The following DCLK1 variants were observed in gnomAD, a reference collection of about 807,000 sequenced individuals.
The protein encoded by DCLK1 is doublecortin like kinase 1, also known as serine/threonine-protein kinase DCLK1.
Under a neutral mutation model 86.2 loss-of-function variants are expected in DCLK1, and 16 were observed. The observed-to-expected ratio is 0.19, with a 90% confidence interval of 0.13 to 0.28. The LOEUF is 0.28. DCLK1 is among the 10% of genes least tolerant of loss of function. DCLK1 has a pLI of 1.00. For missense variants in DCLK1, 590 were observed against 940.2 expected (o/e 0.63, Z 4.87); for synonymous variants, 369 against 370.5 (o/e 1.00, Z 0.05).
chr13:35,950,273 T>C (rs1392603341), intron 3 of DCLK1, among the ~76,000 whole-genome samples: 1 of 152,242 alleles, frequency 6.6e-6, no homozygotes, highest in Non-Finnish European at 1.5e-5. Context: ...TTCAATGCAC[T>C]TCAATTATCC....
chr13:35,863,877 ACT>A (rs1411509430), intron 5 of DCLK1, among the ~76,000 whole-genome samples: 1 of 152,246 alleles, frequency 6.6e-6, no homozygotes, highest in Non-Finnish European at 1.5e-5. Context: ...TTTTTATAGA[ACT>A]GTAAAAAAGT....
chr13:36,124,016 G>A (rs957264972), intron 2 of DCLK1, among the ~76,000 whole-genome samples: 5 of 152,116 alleles, frequency 3.3e-5, no homozygotes, highest in Non-Finnish European at 7.4e-5. Flanking sequence ...GAAACTGATT[G>A]AAGTACCCCA....
At chr13:35,867,624 G>A (rs1593679234) in intron 5 of DCLK1, among the ~76,000 whole-genome samples, 1 of 152,116 alleles carries the variant, frequency 6.6e-6, no homozygotes, top group East Asian at 1.9e-4. Flanking sequence ...TGACATACAA[G>A]TACATTTAAT....
chr13:35,833,106 A>G (rs1408199571), intron 8 of DCLK1, among the ~76,000 whole-genome samples: 1 of 152,166 alleles, frequency 6.6e-6, no homozygotes, highest in East Asian at 1.9e-4. Context: ...AGCTTGGGGC[A>G]CACATCCTCA....
chr13:36,038,148 T>C (rs1165172582), intron 3 of DCLK1, among the ~76,000 whole-genome samples: 1 of 152,174 alleles, frequency 6.6e-6, no homozygotes, highest in Admixed American at 6.5e-5. Context: ...GCTTTCTCAT[T>C]TTATGAACAA....
intron 4 of DCLK1, among the ~76,000 whole-genome samples, chr13:35,922,339 T>A (rs984664875): frequency 2.0e-5 from 3 of 152,204 alleles, no homozygotes; most frequent in Non-Finnish European, 4.4e-5. Context: ...TCCCCATTAC[T>A]CATGAATTCC....
intron 3 of DCLK1, among the ~76,000 whole-genome samples, chr13:36,044,957 A>G (rs903706565): frequency 1.3e-5 from 2 of 152,016 alleles, no homozygotes; most frequent in Non-Finnish European, 2.9e-5. Flanking sequence ...GTACTATTTG[A>G]TTTCTAAGTA....
intron 3 of DCLK1, among the ~76,000 whole-genome samples, chr13:36,078,469 A>G (rs1884294269): frequency 6.6e-6 from 1 of 152,230 alleles, no homozygotes; most frequent in African/African-American, 2.4e-5. Context: ...AGTTGGGTAG[A>G]GTTCTTCAAC....
At chr13:36,108,653 A>G (rs1281093579) in intron 3 of DCLK1, among the ~76,000 whole-genome samples, 3 of 152,244 alleles carry the variant, frequency 2.0e-5, no homozygotes, top group Admixed American at 6.5e-5. Flanking sequence ...CTACAAAACC[A>G]TCTTCCTCTC....
chr13:35,934,620 A>T (rs1007845290), intron 4 of DCLK1, among the ~76,000 whole-genome samples: 4 of 152,192 alleles, frequency 2.6e-5, no homozygotes, highest in Non-Finnish European at 5.9e-5. Context: ...CGATTCAATT[A>T]TCTCTCACTG....
chr13:35,913,905 G>C (rs1434269079), intron 4 of DCLK1, among the ~76,000 whole-genome samples: 1 of 152,196 alleles, frequency 6.6e-6, no homozygotes, highest in Non-Finnish European at 1.5e-5. Flanking sequence ...GTCTACCTGA[G>C]CAGGGCACTG....
At chr13:35,839,905 C>A (rs1593648437) in intron 6 of DCLK1, among the ~76,000 whole-genome samples, 2 of 152,300 alleles carry the variant, frequency 1.3e-5, no homozygotes, top group East Asian at 3.9e-4. Flanking sequence ...GGCTATGGGG[C>A]AGTACTTTAA....
intron 4 of DCLK1, among the ~76,000 whole-genome samples, chr13:35,906,208 C>T (rs78512894): frequency 0.071 from 10,757 of 152,030 alleles, 454 homozygotes; most frequent in South Asian, 0.14. Context: ...CCTGCCTCAT[C>T]TTTATATGGG....
intron 7 of DCLK1, among the ~76,000 whole-genome samples, chr13:35,837,443 CT>C (rs1869468593): frequency 6.6e-6 from 1 of 152,156 alleles, no homozygotes; most frequent in African/African-American, 2.4e-5. Context: ...GCCAATCCCC[CT>C]AACCCCATCT....
chr13:35,960,088 A>G (rs999414649), intron 3 of DCLK1, among the ~76,000 whole-genome samples: 5 of 152,146 alleles, frequency 3.3e-5, no homozygotes, highest in African/African-American at 7.2e-5. Flanking sequence ...TGGAGAATCT[A>G]TAACAGGAAA....
chr13:36,091,912 C>T (rs1039050762), intron 3 of DCLK1, among the ~76,000 whole-genome samples: 1 of 152,188 alleles, frequency 6.6e-6, no homozygotes, highest in Non-Finnish European at 1.5e-5. Flanking sequence ...TCCAATACAG[C>T]TGTCATCATT....
intron 3 of DCLK1, among the ~76,000 whole-genome samples, chr13:36,031,734 T>C (rs907709693): frequency 2.0e-5 from 3 of 152,208 alleles, no homozygotes; most frequent in African/African-American, 4.8e-5. Flanking sequence ...TGGAATAGCA[T>C]GGTCTTCTGA....
intron 3 of DCLK1, among the ~76,000 whole-genome samples, chr13:36,069,144 C>A (rs2153160925): frequency 6.6e-6 from 1 of 152,222 alleles, no homozygotes; most frequent in African/African-American, 2.4e-5. Flanking sequence ...AGGAATTGAT[C>A]ACTGATGAAG....
At chr13:35,984,360 C>T (rs1879801467) in intron 3 of DCLK1, among the ~76,000 whole-genome samples, 1 of 152,212 alleles carries the variant, frequency 6.6e-6, no homozygotes, top group East Asian at 1.9e-4. Flanking sequence ...TTCACTCAGA[C>T]CAAATGACAT....
Sources: allele counts gnomAD v4.1 joint callset (sites outside exome capture counted in the v4.1 genomes callset), GRCh38; gene constraint gnomAD v4.1.1; transcripts MANE v1.5; gene names NCBI Gene and HGNC (gene_info 2026-07-23, HGNC 2026-07-21).